PLOD1: variants seen among roughly 807,000 people sequenced by gnomAD.
PLOD1 encodes lysine hydroxylase.
Under a neutral mutation model 94.7 loss-of-function variants are expected in PLOD1, and 70 were observed. That is an observed-to-expected ratio of 0.74 (90% confidence interval 0.61 to 0.90). The LOEUF is 0.90. Among genes scored for constraint, PLOD1 ranks in the 40% least tolerant of loss-of-function variants. The pLI is 0.00. For synonymous variants in PLOD1, 417 were observed against 400.2 expected, an observed-to-expected ratio of 1.04 and a Z score of -0.50; for missense variants, 905 against 972.7, an observed-to-expected ratio of 0.93 and a Z score of 0.93.
intron 1 of PLOD1, among the ~76,000 whole-genome samples, chr1:11,945,288 C>T (rs1184919918): frequency 6.6e-6 from 1 of 151,952 alleles, no homozygotes; most frequent in Non-Finnish European, 1.5e-5. Context: ...GTGGGGTGCA[C>T]CTGCAGTCCC....
chr1:11,944,439 AC>A, intron 1 of PLOD1: 16 of 862,924 alleles, frequency 1.9e-5, no homozygotes, highest in Non-Finnish European at 2.2e-5. Flanking sequence ...ACACACACAC[AC>A]ACACACACAC....
chr1:11,953,128 T>C (rs1448604414), intron 5 of PLOD1, among the ~76,000 whole-genome samples: 1 of 152,066 alleles, frequency 6.6e-6, no homozygotes, highest in Non-Finnish European at 1.5e-5. Context: ...CGATCTCGGC[T>C]CACTACAGCC....
At position 11,958,365 on chromosome 1, in the gene PLOD1, C is replaced by A. The variant is rs939445994; in HGVS notation, c.844-151C>A. 2 of 848,466 alleles carry A rather than the reference C, an allele frequency of 2.4e-6. No individual in the cohort carries two copies. The highest frequency in any genetic ancestry group is 3.3e-5 in the African/African-American group (2 of 59,970). 52.6% of individuals were successfully genotyped at this position (848,466 alleles called of 1,614,324 possible). A position where few individuals can be genotyped will look rare whatever the true frequency, so the allele number is the denominator to read the frequency against. ...CTGCTGCTTCCCTGCCCCCCCGTACCCCCTGACTGGAGTTCCCCGGCCCGG... is the reference window on the plus strand; with the variant it reads ...CTGCTGCTTCCCTGCCCCCCCGTACACCCTGACTGGAGTTCCCCGGCCCGG... On this transcript the variant is annotated intron_variant, in intron 8 of 18. Coordinates refer to ENST00000196061, the MANE Select transcript of PLOD1 (RefSeq NM_000302.4). This position sits in a 1 kb window ranked among gnomAD's most constrained non-coding sequence, Gnocchi z 4.3.
chr1:11,956,119 AG>A (rs1047582066), intron 6 of PLOD1, among the ~76,000 whole-genome samples: 3 of 149,540 alleles, frequency 2.0e-5, no homozygotes, highest in Non-Finnish European at 4.4e-5. Flanking sequence ...ATTGGGGGCC[AG>A]GCACTGTAAT....
chr1:11,962,569 C>T (rs964615821), intron 10 of PLOD1, among the ~76,000 whole-genome samples: 1 of 152,078 alleles, frequency 6.6e-6, no homozygotes, highest in South Asian at 2.1e-4. Context: ...AGCCACCACG[C>T]CCTGCCGATT....
chr1:11,954,936 A>G, intron 6 of PLOD1, 43 bp downstream of exon 6: 2 of 1,453,736 alleles, frequency 1.4e-6, no homozygotes, highest in Non-Finnish European at 9.7e-7. Flanking sequence ...CAGAGGGGTG[A>G]TAGGAAGAAT....
intron 1 of PLOD1, among the ~76,000 whole-genome samples, chr1:11,940,176 C>T (rs1219059217): frequency 1.3e-5 from 2 of 152,126 alleles, no homozygotes; most frequent in African/African-American, 2.4e-5. Context: ...GTGCGTGCCA[C>T]CATGTCTGGC....
In PLOD1 at chr1:11,974,678, A is replaced by G. The variant is rs2100768750; in HGVS notation, c.2054A>G (p.Tyr685Cys). The G allele has an allele frequency of 6.2e-7, 1 of 1,613,882 alleles. No homozygotes were observed. Among genetic ancestry groups the G allele is most frequent in the East Asian group, 2.2e-5 (1 of 44,878 alleles). Residue 685 changes from tyrosine to cysteine, a missense_variant, in exon 19 of 19, where the codon TAC becomes TGC. By Grantham distance (194) the Tyr-to-Cys change is radical. Coordinates refer to ENST00000196061, the MANE Select transcript of PLOD1 (RefSeq NM_000302.4). ...YEGGGCRFLR[Y>C]NCSIRAPRKG... ...GGCGGGGGCTGTCGGTTCCTGCGCT[A>G]CAACTGTTCCATCCGAGCCCCAAGG...
At chr1:11,974,626 A>G (rs765487994) in intron 18 of PLOD1, 27 bp from the exon 19 acceptor site, 3 of 1,606,790 alleles carry the variant, frequency 1.9e-6, no homozygotes, top group Non-Finnish European at 2.6e-6. Flanking sequence ...CGGTGGGGAA[A>G]GGCCACTGAT....
At position 11,967,102 on chromosome 1, in the gene PLOD1, G is replaced by A; in HGVS notation, c.1755+11G>A. On this transcript the variant is annotated intron_variant, in intron 16 of 18. Transcript: ENST00000196061. ...CTGGGCAACAACAAGGTGGGACCCT[G>A]ATGCCTGGGCTGGGGCCGCAGGGAG... 6.4e-7 allele frequency: 1 copy of A among 1,560,566 alleles called. No homozygotes were observed. The highest frequency in any genetic ancestry group is 8.8e-7 in the Non-Finnish European group (1 of 1,131,154).
At position 11,961,322 on chromosome 1, in the gene PLOD1, T is replaced by C. The variant is rs542854871; in HGVS notation, c.1097+555T>C. ...ACCTCTTGAGCCCGGGAAGTCGAGG[T>C]TGCATGAGCTATGATTGCACCACTG... is the stretch of plus-strand genomic sequence containing the variant. On this transcript the variant is annotated intron_variant, in intron 10 of 18. Transcript: ENST00000196061. 2.6e-5 allele frequency among the ~76,000 whole-genome samples: 4 copies of C among 152,170 alleles called. 1 individual carries two copies. The South Asian group carries it at 8.3e-4, about 32-fold the overall frequency.
At position 11,958,398 on chromosome 1, in the gene PLOD1, T is replaced by C; in HGVS notation, c.844-118T>C. 1 of 1,218,476 alleles carries C rather than the reference T, an allele frequency of 8.2e-7. No homozygotes were observed. The highest frequency in any genetic ancestry group is 1.2e-6 in the Non-Finnish European group (1 of 853,528). The allele number at this position is 1,218,476 out of a possible 1,614,324, so 75.5% of individuals were successfully genotyped here. A position where few individuals can be genotyped will look rare whatever the true frequency, so the allele number is the denominator to read the frequency against. Reference sequence around the variant, plus strand: ...TGGAGTTCCCCGGCCCGGGCACCTTTCTTGGGAAGTCTACATGCTTCTGAT... The same window carrying C: ...TGGAGTTCCCCGGCCCGGGCACCTTCCTTGGGAAGTCTACATGCTTCTGAT... On this transcript the variant is annotated intron_variant, in intron 8 of 18. Transcript: ENST00000196061. This position sits in a 1 kb window ranked among gnomAD's most constrained non-coding sequence, Gnocchi z 4.3.
intron 10 of PLOD1, among the ~76,000 whole-genome samples, chr1:11,961,298 C>A (rs1250625479): frequency 1.3e-5 from 2 of 152,086 alleles, no homozygotes; most frequent in African/African-American, 4.8e-5. Flanking sequence ...GGCAGGAGGA[C>A]CTCTTGAGCC....
At position 11,957,886 on chromosome 1, in the gene PLOD1, C is replaced by T; in HGVS notation, c.786C>T (p.Thr262=). ...GCAACTACATCCCGCGCTTCTGGACCTTCGAAACAGGCTGCACCGTGTGTG... is the reference window on the plus strand; with the variant it reads ...GCAACTACATCCCGCGCTTCTGGACTTTCGAAACAGGCTGCACCGTGTGTG... ...YLGNYIPRFW[T]FETGCTVCDE... The change falls in exon 8 of 19, where the codon ACC becomes ACT. Residue 262 remains threonine (T), a synonymous_variant. Transcript: ENST00000196061. The surrounding 1 kb of genome is among the most constrained non-coding windows in gnomAD (Gnocchi z 4.1). The T allele has an allele frequency of 6.2e-7, 1 of 1,614,136 alleles. No individual in the cohort carries two copies. The highest frequency in any genetic ancestry group is 1.1e-5 in the South Asian group (1 of 91,086).
Position 11,972,892 on chromosome 1 carries a change from T to C in PLOD1, c.1923T>C (p.Phe641=). The C allele has an allele frequency of 6.2e-7, 1 of 1,614,100 alleles. No individual in the cohort carries two copies. The highest frequency in any genetic ancestry group is 8.5e-7 in the Non-Finnish European group (1 of 1,179,982). The change falls in exon 18 of 19, where the codon TTT becomes TTC. Residue 641 remains phenylalanine (F), a synonymous_variant. Coordinates refer to ENST00000196061, the MANE Select transcript of PLOD1 (RefSeq NM_000302.4). The surrounding 1 kb of genome is among the most constrained non-coding windows in gnomAD (Gnocchi z 4.6). ...TACAGGCCCAGTTTGACCTGGCCTT[T>C]GTCGTCCGCTACAAGCCTGATGAGC... ...YYTRAQFDLA[F]VVRYKPDEQP...
At chr1:11,966,843 C>T in intron 15 of PLOD1, 144 bp from the exon 16 acceptor site, 3 of 692,286 alleles carry the variant, frequency 4.3e-6, no homozygotes, top group South Asian at 1.6e-5. Context: ...TCCTCCTCCC[C>T]ACTCAGTCTC....
rs1039712189 is a variant in PLOD1, at chr1:11,957,582, G to A, written c.742-260G>A. On this transcript the variant is annotated intron_variant, in intron 7 of 18. Transcript: ENST00000196061. The surrounding 1 kb of genome is among the most constrained non-coding windows in gnomAD (Gnocchi z 4.1). ...GATTTCACCCAGGATCTGTTCAGAT[G>A]GAATCTCTGAGCGGGGTGGGACCCA... Among the ~76,000 whole-genome samples, 2 of 152,210 alleles carry A rather than the reference G, an allele frequency of 1.3e-5. No individual in the cohort carries two copies. The highest frequency in any genetic ancestry group is 2.9e-5 in the Non-Finnish European group (2 of 68,032).
chr1:11,970,216 A>G (rs1202377461), intron 16 of PLOD1, among the ~76,000 whole-genome samples: 2 of 152,072 alleles, frequency 1.3e-5, no homozygotes, highest in African/African-American at 2.4e-5. Flanking sequence ...ACGCCATTGC[A>G]CTCCAGCCTG....
intron 1 of PLOD1, among the ~76,000 whole-genome samples, chr1:11,940,955 T>A (rs1411095887): frequency 6.6e-6 from 1 of 152,180 alleles, no homozygotes; most frequent in Non-Finnish European, 1.5e-5. Flanking sequence ...TCTGGCATCT[T>A]AGGATGTTGG....
Sources: gnomAD v4.1 joint callset for allele counts (sites outside exome capture counted in the v4.1 genomes callset) on GRCh38, gnomAD v4.1.1 for gene constraint, Gnocchi (gnomAD v3.1) non-coding constraint, MANE v1.5 for transcripts, NCBI Gene and HGNC (gene_info 2026-07-23, HGNC 2026-07-21) for gene names.